ASIC2: variants seen among roughly 807,000 people sequenced by gnomAD.
ASIC2 encodes acid sensing ion channel subunit 2.
Under a neutral mutation model 57.3 loss-of-function variants are expected in ASIC2, and 25 were observed. The ratio of observed to expected loss-of-function variants is 0.44; its 90% confidence interval spans 0.32 to 0.61. The LOEUF is 0.61. ASIC2 is among the 20% of genes least tolerant of loss of function. The pLI, the probability that ASIC2 is intolerant of heterozygous loss-of-function variation, is 0.06. For missense variants in ASIC2, 641 were observed against 738.1 expected, an observed-to-expected ratio of 0.87 and a Z score of 1.52; for synonymous variants, 319 against 307.5, an observed-to-expected ratio of 1.04 and a Z score of -0.39.
intron 1 of ASIC2, among the ~76,000 whole-genome samples, chr17:33,905,658 G>C (rs916263198): frequency 1.3e-5 from 2 of 152,216 alleles, no homozygotes; most frequent in African/African-American, 4.8e-5. Context: ...ATTATCTGCA[G>C]TTGTAAACAG....
chr17:33,340,586 G>A (rs1292870540), intron 1 of ASIC2, among the ~76,000 whole-genome samples: 1 of 152,112 alleles, frequency 6.6e-6, no homozygotes, highest in Non-Finnish European at 1.5e-5. Context: ...CCTCAGGTGT[G>A]CTTGGGTTTT....
rs139151089 is a variant in ASIC2 at position 33,269,751 on chromosome 17, T to TTTCCTTCCTTCC, written c.708+21645_708+21656dup. Among the ~76,000 whole-genome samples the TTTCCTTCCTTCC allele has an allele frequency of 5.1e-3, 528 of 103,018 alleles. 35 individuals carry two copies. The highest frequency in any genetic ancestry group is 0.013 in the African/African-American group (370 of 27,456). 67.6% of individuals were successfully genotyped at this position (103,018 alleles called of 152,430 possible). A position where few individuals can be genotyped will look rare whatever the true frequency, so the allele number is the denominator to read the frequency against. On this transcript the variant is annotated intron_variant, in intron 1 of 9. Transcript: ENST00000225823. Reference sequence around the variant, plus strand: ...CCCTCCCTCCTTCCTTCCTTCCTTCTTTCCTTCCTTCCTTCCTTCCTTCTT... The same window carrying TTTCCTTCCTTCC: ...CCCTCCCTCCTTCCTTCCTTCCTTCTTTCCTTCCTTCCTTCCTTCCTTCCTTCCTTCCTTCTT...
chr17:33,238,878 C>T (rs1306985377), intron 1 of ASIC2, among the ~76,000 whole-genome samples: 1 of 152,144 alleles, frequency 6.6e-6, no homozygotes, highest in African/African-American at 2.4e-5. Flanking sequence ...GTGGTGCGTG[C>T]CTGTAATCTT....
chr17:34,089,702 C>G (rs1910253417), intron 1 of ASIC2, among the ~76,000 whole-genome samples: 1 of 152,142 alleles, frequency 6.6e-6, no homozygotes, highest in Non-Finnish European at 1.5e-5. Flanking sequence ...GAGAAGATCA[C>G]TCTCTTCAAA....
chr17:33,124,735 A>C (rs1041778527), intron 1 of ASIC2, among the ~76,000 whole-genome samples: 4 of 152,192 alleles, frequency 2.6e-5, no homozygotes, highest in African/African-American at 9.7e-5. Flanking sequence ...TGATTCAAGC[A>C]CATGACATTT....
At chr17:33,146,872 T>C (rs902630875) in intron 1 of ASIC2, among the ~76,000 whole-genome samples, 2 of 152,224 alleles carry the variant, frequency 1.3e-5, no homozygotes, top group Non-Finnish European at 2.9e-5. Flanking sequence ...CTCTTATTAC[T>C]TCAGTCATTC....
At chr17:33,798,074 T>C (rs991422158) in intron 1 of ASIC2, among the ~76,000 whole-genome samples, 4 of 151,898 alleles carry the variant, frequency 2.6e-5, no homozygotes, top group African/African-American at 9.7e-5. Flanking sequence ...GAAAAGGAGA[T>C]GCAGCTTTCA....
intron 1 of ASIC2, among the ~76,000 whole-genome samples, chr17:33,563,574 T>C (rs1916142538): frequency 6.6e-6 from 1 of 152,220 alleles, no homozygotes; most frequent in Admixed American, 6.5e-5. Context: ...CTAAGCTGCA[T>C]GGCCTCAGGT....
At chr17:33,429,255 T>C (rs1205213036) in intron 1 of ASIC2, among the ~76,000 whole-genome samples, 2 of 152,198 alleles carry the variant, frequency 1.3e-5, no homozygotes, top group Non-Finnish European at 2.9e-5. Context: ...CTTCTTGTTC[T>C]CAAGGAGCTT....
intron 1 of ASIC2, among the ~76,000 whole-genome samples, chr17:33,798,162 G>C (rs1911975817): frequency 6.6e-6 from 1 of 152,204 alleles, no homozygotes; most frequent in South Asian, 2.1e-4. Flanking sequence ...GAGGTAAAGG[G>C]AGAGAAGTAG....
At position 34,064,626 on chromosome 17, in the gene ASIC2, A is replaced by G. The variant is rs570891985; in HGVS notation, c.555+91352T>C. On this transcript the variant is annotated intron_variant, in intron 1 of 9. Coordinates refer to the ASIC2 transcript ENST00000359872. ...GTGGGAGAGAATCTTCACAATCTAT[A>G]CATCTGACAAATAACTAATATCCAG... is the stretch of plus-strand genomic sequence containing the variant. Among the ~76,000 whole-genome samples, 13 of 152,334 alleles carry G rather than the reference A, an allele frequency of 8.5e-5. No homozygotes were observed. In the South Asian group the frequency reaches 2.1e-3, roughly 24 times the overall value.
At chr17:33,156,589 C>T (rs1336877532) in intron 1 of ASIC2, among the ~76,000 whole-genome samples, 2 of 151,590 alleles carry the variant, frequency 1.3e-5, no homozygotes, top group African/African-American at 2.4e-5. Flanking sequence ...AACTCTGTCT[C>T]TAATAAAAAT....
chr17:33,233,514 TCACACACACACACACACACA>T lies in ASIC2; in HGVS notation c.708+57874_708+57893del, dbSNP rs36203893. On this transcript the variant is annotated intron_variant, in intron 1 of 9. Coordinates refer to ENST00000225823, the MANE Select transcript of ASIC2 (RefSeq NM_183377.2). ...CACTTGAGGTTACGGAATTGGAAATTCACACACACACACACACACACACACACACACACACACACACACAT... is the reference window on the plus strand; with the variant it reads ...CACTTGAGGTTACGGAATTGGAAATTCACACACACACACACACACACACAT... 2.5e-3 allele frequency among the ~76,000 whole-genome samples: 366 copies of T among 147,090 alleles called. 1 individual carries two copies. Among genetic ancestry groups the T allele is most frequent in the South Asian group, 6.9e-3 (31 of 4,466 alleles).
chr17:33,949,180 G>A (rs1904479575), intron 1 of ASIC2, among the ~76,000 whole-genome samples: 1 of 152,068 alleles, frequency 6.6e-6, no homozygotes, highest in African/African-American at 2.4e-5. Context: ...TTGACTTGTG[G>A]GTGAGTTTTC....
chr17:33,051,466 G>A (rs958551665), intron 3 of ASIC2, among the ~76,000 whole-genome samples: 6 of 152,140 alleles, frequency 3.9e-5, no homozygotes, highest in African/African-American at 1.2e-4. Context: ...GTGAATTCAA[G>A]TTTTGTCATT....
chr17:33,948,504 C>A (rs2141983421), intron 1 of ASIC2, among the ~76,000 whole-genome samples: 1 of 152,274 alleles, frequency 6.6e-6, no homozygotes, highest in East Asian at 1.9e-4. Context: ...CCTGGGATGC[C>A]CACTCCCGCC....
chr17:33,315,052 T>G (rs972245670), intron 1 of ASIC2, among the ~76,000 whole-genome samples: 4 of 152,212 alleles, frequency 2.6e-5, no homozygotes, highest in African/African-American at 9.6e-5. Context: ...CATTCCTTAT[T>G]ATCTGTGTGA....
intron 1 of ASIC2, among the ~76,000 whole-genome samples, chr17:33,306,042 T>C (rs1452304923): frequency 6.6e-6 from 1 of 152,202 alleles, no homozygotes; most frequent in Non-Finnish European, 1.5e-5. Context: ...TAAAAGGGAA[T>C]TTCATGGCAT....
chr17:34,103,419 G>A (rs1217571538), intron 1 of ASIC2, among the ~76,000 whole-genome samples: 1 of 152,136 alleles, frequency 6.6e-6, no homozygotes, highest in Non-Finnish European at 1.5e-5. Context: ...CTCCCAAAGT[G>A]CTGGAATTAC....
Sources: allele counts gnomAD v4.1 joint callset (sites outside exome capture counted in the v4.1 genomes callset), GRCh38; gene constraint gnomAD v4.1.1; transcripts MANE v1.5; gene names NCBI Gene and HGNC (gene_info 2026-07-23, HGNC 2026-07-21).